Variants in KIF1B observed in about 807,000 individuals in gnomAD.
The protein encoded by KIF1B is kinesin-like protein KIF1B.
A neutral mutation model predicts 241.9 loss-of-function variants in KIF1B; 76 were observed. The ratio of observed to expected loss-of-function variants is 0.31; its 90% CI spans 0.26 to 0.38. The LOEUF is 0.38. Among genes scored for constraint, KIF1B ranks in the 10% least tolerant of loss-of-function variants. The pLI is 1.00. For missense variants in KIF1B, 1,622 were observed against 2,271.4 expected (o/e 0.71, Z 5.81); for synonymous variants, 750 against 796.7 (o/e 0.94, Z 0.99).
At chr1:10,238,706 AAACAACAACAACAAC>A (rs146414281) in intron 2 of KIF1B, among the ~76,000 whole-genome samples, 5 of 150,692 alleles carry the variant, frequency 3.3e-5, no homozygotes, top group South Asian at 2.1e-4. Flanking sequence ...CCCCATCCAA[AAACAACAACAACAAC>A]AACAACAACA....
intron 37 of KIF1B, among the ~76,000 whole-genome samples, chr1:10,349,772 G>A (rs1569874696): frequency 6.6e-6 from 1 of 152,132 alleles, no homozygotes; most frequent in South Asian, 2.1e-4. Flanking sequence ...ATGACAGTCC[G>A]AGGCAAGAGT....
chr1:10,247,280 A>C (rs182238238), intron 2 of KIF1B, among the ~76,000 whole-genome samples: 1 of 152,332 alleles, frequency 6.6e-6, no homozygotes, highest in African/African-American at 2.4e-5. Flanking sequence ...CCACCTGGCT[A>C]TACTGCTGGT....
chr1:10,326,456 T>C lies in KIF1B; in HGVS notation c.2924+97T>C, dbSNP rs1199002717. The C allele has an allele frequency of 3.1e-5, 45 of 1,457,368 alleles. No homozygotes were observed. The highest frequency in any genetic ancestry group is 4.2e-5 in the Non-Finnish European group (44 of 1,045,810). The allele number at this position is 1,457,368 out of a possible 1,614,324, so 90.3% of individuals were successfully genotyped here. The stretch of plus-strand genomic sequence containing the variant: ...TTTTGGATAACCTTGCATTAGCCAA[T>C]TCAACTCATGAATGCTCTTTTTCAA... On this transcript the variant is annotated intron_variant, in intron 27 of 48. Coordinates refer to ENST00000676179, the MANE Select transcript of KIF1B (RefSeq NM_001365951.3). The surrounding 1 kb of genome is among the most constrained non-coding windows in gnomAD (Gnocchi z 5.2).
intron 22 of KIF1B, among the ~76,000 whole-genome samples, chr1:10,313,702 C>T (rs902910853): frequency 2.0e-5 from 3 of 150,490 alleles, no homozygotes; most frequent in Non-Finnish European, 4.4e-5. Context: ...AGGTGCCCAC[C>T]ACCACACCCG....
chr1:10,245,774 C>A (rs978284828), intron 2 of KIF1B, among the ~76,000 whole-genome samples: 3 of 152,082 alleles, frequency 2.0e-5, no homozygotes, highest in Non-Finnish European at 4.4e-5. Context: ...ACTCATTCTT[C>A]TAGAGAGTCC....
At chr1:10,233,651 T>G (rs896892039) in intron 2 of KIF1B, among the ~76,000 whole-genome samples, 1 of 152,036 alleles carries the variant, frequency 6.6e-6, no homozygotes, top group Non-Finnish European at 1.5e-5. Context: ...AAAGTCAACA[T>G]TGAATTGAAT....
chr1:10,292,327 G>A (rs796756300), intron 17 of KIF1B: 31 of 549,068 alleles, frequency 5.6e-5, no homozygotes, highest in African/African-American at 5.3e-4. Flanking sequence ...CTTGTTTACT[G>A]TTTACAAAAG....
intron 1 of KIF1B, among the ~76,000 whole-genome samples, chr1:10,220,163 C>T (rs76356298): frequency 0.016 from 2,401 of 148,590 alleles, 62 homozygotes; most frequent in African/African-American, 0.055. Flanking sequence ...GATCGCGAGC[C>T]ATTGCACTCC....
At position 10,320,094 on chromosome 1, in the gene KIF1B, C is replaced by T; in HGVS notation, c.2167C>T (p.Leu723=). The part of the protein sequence containing the change: ...ALQKQVETRS[L]AAETTEEEEE... The stretch of plus-strand genomic sequence containing the variant: ...GCAGAAGCAGGTTGAAACCCGATCT[C>T]TGGCTGCAGAAACAACTGAAGAGGA... The change falls in exon 23 of 49, where the codon CTG becomes TTG. Residue 723 remains leucine (L), a synonymous_variant. Transcript: ENST00000676179. 1 of 1,613,892 alleles carries T rather than the reference C, an allele frequency of 6.2e-7. No homozygotes were observed. Among genetic ancestry groups the T allele is most frequent in the Non-Finnish European group, 8.5e-7 (1 of 1,179,854 alleles).
At chr1:10,244,129 T>G (rs1314159454) in intron 2 of KIF1B, among the ~76,000 whole-genome samples, 3 of 152,186 alleles carry the variant, frequency 2.0e-5, no homozygotes, top group African/African-American at 7.2e-5. Context: ...CTAAATTTGT[T>G]GTAAATGATT....
At position 10,375,258 on chromosome 1, in the gene KIF1B, C is replaced by T; in HGVS notation, c.5293C>T (p.Pro1765Ser). 5.0e-6 allele frequency: 8 copies of T among 1,612,522 alleles called. No individual in the cohort carries two copies. The highest frequency in any genetic ancestry group is 6.8e-6 in the Non-Finnish European group (8 of 1,178,504). The change falls in exon 48 of 49, where the codon CCA becomes TCA. Residue 1765 changes from proline to serine, a missense_variant. Transcript: ENST00000676179. ...SEDQQAMVKT[P>S]NTFAVCTKHR... ...TCTACCTGCATTTTTCTTTCAGACA[C>T]CAAACACCTTTGCTGTCTGCACAAA...
chr1:10,229,004 A>G (rs1280222877), intron 1 of KIF1B, among the ~76,000 whole-genome samples: 1 of 152,094 alleles, frequency 6.6e-6, no homozygotes, highest in African/African-American at 2.4e-5. Flanking sequence ...GGTTTTTTGG[A>G]CATGAGGAGA....
At chr1:10,252,952 T>G (rs1647550369) in intron 2 of KIF1B, among the ~76,000 whole-genome samples, 1 of 152,130 alleles carries the variant, frequency 6.6e-6, no homozygotes, top group Non-Finnish European at 1.5e-5. Flanking sequence ...CTGCAACTCC[T>G]GACCTCAGGT....
intron 2 of KIF1B, among the ~76,000 whole-genome samples, chr1:10,255,626 A>G (rs555202721): frequency 1.3e-5 from 2 of 152,116 alleles, no homozygotes; most frequent in Non-Finnish European, 1.5e-5. Context: ...TTCATTTCCA[A>G]ATTTTGGCTG....
At chr1:10,340,042 G>A (rs1429938993) in intron 32 of KIF1B, among the ~76,000 whole-genome samples, 183 bp downstream of exon 32, 1 of 152,162 alleles carries the variant, frequency 6.6e-6, no homozygotes, top group African/African-American at 2.4e-5. Context: ...CTTCTTGTCT[G>A]TGTTACAGTG....
At chr1:10,340,945 G>C (rs192046922) in intron 32 of KIF1B, among the ~76,000 whole-genome samples, 1 of 152,286 alleles carries the variant, frequency 6.6e-6, no homozygotes. Flanking sequence ...TAAAGTAAGA[G>C]AGGAAAGGAG....
intron 41 of KIF1B, among the ~76,000 whole-genome samples, chr1:10,364,735 G>A (rs569689408): frequency 5.9e-5 from 9 of 152,060 alleles, no homozygotes; most frequent in Non-Finnish European, 1.2e-4. Context: ...GGCCAGGCGC[G>A]GTGGCTCACG....
chr1:10,375,419 C>T, intron 48 of KIF1B, 46 bp downstream of exon 48: 2 of 1,516,660 alleles, frequency 1.3e-6, no homozygotes, highest in Non-Finnish European at 1.8e-6. Flanking sequence ...GACGGAGTCT[C>T]ACTTTTTCTC....
chr1:10,313,623 T>TCA (rs1651166431), intron 22 of KIF1B, among the ~76,000 whole-genome samples: 1 of 143,812 alleles, frequency 7.0e-6, no homozygotes, highest in African/African-American at 2.7e-5. Flanking sequence ...CAATCTCGGC[T>TCA]CACTGCAAGC....
Sources: gnomAD v4.1 joint callset for allele counts (sites outside exome capture counted in the v4.1 genomes callset) on GRCh38, gnomAD v4.1.1 for gene constraint, Gnocchi (gnomAD v3.1) non-coding constraint, MANE v1.5 for transcripts, NCBI Gene and HGNC (gene_info 2026-07-23, HGNC 2026-07-21) for gene names.